Variants in LMO7 observed in about 807,000 individuals in gnomAD.
LMO7 encodes the protein LIM domain 7.
In LMO7, 120 loss-of-function variants were observed where a neutral mutation model predicts 206.5. The observed-to-expected ratio is 0.58, with a 90% CI of 0.50 to 0.68. The LOEUF (loss-of-function observed/expected upper bound fraction) is 0.68. LMO7 is among the 30% of genes least tolerant of loss of function. The pLI is 0.00. For missense variants in LMO7, 1,959 were observed against 1,957.9 expected (o/e 1.00, Z -0.01); for synonymous variants, 706 against 681.5 (o/e 1.04, Z -0.56).
In LMO7 at chr13:75,804,342, A is replaced by T; in HGVS notation, c.715A>T (p.Lys239Ter). The T allele has an allele frequency of 6.2e-7, 1 of 1,613,952 alleles. No homozygotes were observed. The highest frequency in any genetic ancestry group is 8.5e-7 in the Non-Finnish European group (1 of 1,179,786). The change falls in exon 8 of 31, where the codon AAA becomes TAA. Residue 239 changes from lysine to a stop codon, truncating the protein, a stop_gained. Coordinates refer to ENST00000377534, the MANE Select transcript of LMO7 (RefSeq NM_001306080.2). LOFTEE classifies it high-confidence loss of function. ...EFTFKMQDYNKDDMSYRRISA... is the reference protein window; with the variant it reads ...EFTFKMQDYN ...TACATTTAAGATGCAGGATTATAATAAAGATGATATGTCGTATCGAAGGAT... is the reference window on the plus strand; with the variant it reads ...TACATTTAAGATGCAGGATTATAATTAAGATGATATGTCGTATCGAAGGAT...
intron 26 of LMO7, among the ~76,000 whole-genome samples, chr13:75,846,070 C>G (rs983055442): frequency 6.6e-6 from 1 of 151,688 alleles, no homozygotes; most frequent in African/African-American, 2.4e-5. Flanking sequence ...GAAGGCAACC[C>G]TCTGCCTACT....
At chr13:75,775,003 G>A (rs574700156) in intron 4 of LMO7, among the ~76,000 whole-genome samples, 11 of 152,244 alleles carry the variant, frequency 7.2e-5, no homozygotes, top group Non-Finnish European at 1.3e-4. Flanking sequence ...GCAGGGCGAG[G>A]AAGAGAGAAT....
intron 3 of LMO7, among the ~76,000 whole-genome samples, chr13:75,738,601 A>T (rs1186900702): frequency 6.6e-6 from 1 of 152,180 alleles, no homozygotes; most frequent in African/African-American, 2.4e-5. Context: ...CATGTTTTTT[A>T]AAAAAATCTA....
Position 75,836,316 on chromosome 13 carries a change from T to G in LMO7, c.3334-81T>G. On this transcript the variant is annotated intron_variant, in intron 18 of 30. Transcript: ENST00000377534. ...GAGAAACTCATCTTGTTAAAATATA[T>G]ATTTCACTAATGCGAAATGCATTAT... is the stretch of plus-strand genomic sequence containing the variant. 3 of 715,622 alleles carry G rather than the reference T, an allele frequency of 4.2e-6. 1 individual carries two copies. The South Asian group carries it at 5.3e-5, about 13-fold the overall frequency. The allele number at this position is 715,622 out of a possible 1,614,324, so 44.3% of individuals were successfully genotyped here.
chr13:75,798,994 A>G (rs1009013254), intron 6 of LMO7, among the ~76,000 whole-genome samples: 24 of 152,244 alleles, frequency 1.6e-4, no homozygotes, highest in African/African-American at 5.5e-4. Context: ...ATCTTTCTGT[A>G]TTTTGAGAAG....
chr13:75,737,690 T>G (rs1158477514), intron 3 of LMO7, among the ~76,000 whole-genome samples: 1 of 126,296 alleles, frequency 7.9e-6, no homozygotes, highest in Non-Finnish European at 1.6e-5. Flanking sequence ...GAGGCGGAGC[T>G]TGCAGTGAGC....
chr13:75,833,299 A>G, intron 16 of LMO7, 134 bp downstream of exon 16: 1 of 621,152 alleles, frequency 1.6e-6, no homozygotes. Context: ...AGGCCAGAAA[A>G]TACATCCTCT....
intron 3 of LMO7, among the ~76,000 whole-genome samples, chr13:75,737,049 C>A (rs1269980617): frequency 6.6e-6 from 1 of 152,112 alleles, no homozygotes; most frequent in Non-Finnish European, 1.5e-5. Context: ...AGCCCCAGTA[C>A]CTTAGAGTGT....
chr13:75,708,825 T>C (rs1352696968), intron 1 of LMO7, among the ~76,000 whole-genome samples: 4 of 151,822 alleles, frequency 2.6e-5, no homozygotes, highest in Admixed American at 2.0e-4. Flanking sequence ...ACTTTAAGTT[T>C]TAGGGTACAT....
chr13:75,817,113 GT>G, intron 11 of LMO7, 47 bp from the exon 12 acceptor site: 1 of 1,372,002 alleles, frequency 7.3e-7, no homozygotes, highest in Non-Finnish European at 1.0e-6. Flanking sequence ...TAACCCCTAA[GT>G]CTGGTCATGT....
intron 4 of LMO7, among the ~76,000 whole-genome samples, chr13:75,774,896 G>A (rs1270089701): frequency 6.6e-6 from 1 of 151,794 alleles, no homozygotes. Context: ...ATACTTTTTT[G>A]TGTTCTGCTT....
intron 4 of LMO7, among the ~76,000 whole-genome samples, chr13:75,779,605 AAT>A (rs1383789510): frequency 6.6e-6 from 1 of 152,196 alleles, no homozygotes; most frequent in African/African-American, 2.4e-5. Flanking sequence ...AATATTCTGA[AAT>A]TCCAAGTGTT....
intron 3 of LMO7, among the ~76,000 whole-genome samples, chr13:75,751,149 CTTTTTTTTTTTTTTTTTT>C (rs57976279): frequency 0.012 from 710 of 60,456 alleles, 21 homozygotes; most frequent in African/African-American, 0.045. Context: ...TTTTTCAGCT[CTTTTTTTTTTTTTTTTTT>C]TTTTTTTTTT....
intron 4 of LMO7, among the ~76,000 whole-genome samples, chr13:75,785,344 A>G (rs1225976272): frequency 6.6e-6 from 1 of 152,136 alleles, no homozygotes; most frequent in African/African-American, 2.4e-5. Flanking sequence ...AACCTTGGCA[A>G]AGTTTCTTAA....
At chr13:75,659,571 T>G (rs2038379845) in intron 1 of LMO7, among the ~76,000 whole-genome samples, 1 of 143,878 alleles carries the variant, frequency 7.0e-6, no homozygotes, top group African/African-American at 2.4e-5. Flanking sequence ...ATCCATCATA[T>G]CTCGTGAGAC....
chr13:75,801,167 C>T (rs994748088), intron 7 of LMO7, among the ~76,000 whole-genome samples: 1 of 150,168 alleles, frequency 6.7e-6, no homozygotes, highest in Non-Finnish European at 1.5e-5. Context: ...TCTCCAGATT[C>T]AGGCTTAATT....
rs57976279 is a variant in LMO7, at chr13:75,751,149, C to CTTTTTTTTTTT, written c.211-9764_211-9754dup. On this transcript the variant is annotated intron_variant, in intron 3 of 30. Transcript: ENST00000377534. ...CATGTACTCAGCTCTTTTTTCAGCT[C>CTTTTTTTTTTT]TTTTTTTTTTTTTTTTTTTTTTTTT... Among the ~76,000 whole-genome samples, 36 of 60,422 alleles carry CTTTTTTTTTTT rather than the reference C, an allele frequency of 6.0e-4. 3 individuals are homozygous for CTTTTTTTTTTT. The highest frequency in any genetic ancestry group is 2.3e-3 in the African/African-American group (34 of 14,846). 39.6% of individuals were successfully genotyped at this position (60,422 alleles called of 152,430 possible). A position where few individuals can be genotyped will look rare whatever the true frequency, so the allele number is the denominator to read the frequency against.
chr13:75,629,942 C>T (rs558031085), intron 2 of LMO7, among the ~76,000 whole-genome samples: 35 of 152,240 alleles, frequency 2.3e-4, no homozygotes, highest in African/African-American at 8.4e-4. Context: ...AGGTAGAAGT[C>T]AGATTTGGAC....
intron 15 of LMO7, among the ~76,000 whole-genome samples, chr13:75,827,001 A>G (rs1309098034): frequency 1.3e-5 from 2 of 152,148 alleles, no homozygotes; most frequent in African/African-American, 4.8e-5. Context: ...TCAAAAGCCC[A>G]GGAGGACCCC....
Sources: allele counts gnomAD v4.1 joint callset (sites outside exome capture counted in the v4.1 genomes callset), GRCh38; gene constraint gnomAD v4.1.1; transcripts MANE v1.5; gene names NCBI Gene and HGNC (gene_info 2026-07-23, HGNC 2026-07-21).